Variants in TMEM131L observed in about 807,000 individuals in gnomAD.
TMEM131L encodes transmembrane protein 131-like.
A neutral mutation model predicts 192.2 loss-of-function variants in TMEM131L; 54 were observed. The ratio of observed to expected loss-of-function variants is 0.28; its 90% CI spans 0.23 to 0.35. The LOEUF (loss-of-function observed/expected upper bound fraction) is 0.35. Ranked by LOEUF, TMEM131L falls within the 10% of genes least tolerant of loss-of-function variation. The probability of loss-of-function intolerance (pLI) is 1.00; values close to 1 mark genes in which losing one functional copy is unlikely to be tolerated. For synonymous variants in TMEM131L, 701 were observed against 704.9 expected (o/e 0.99, Z 0.09); for missense variants, 1,888 against 1,972.9 (o/e 0.96, Z 0.82).
At chr4:153,548,339 C>T (rs1022311449) in intron 3 of TMEM131L, among the ~76,000 whole-genome samples, 42 of 152,268 alleles carry the variant, frequency 2.8e-4, no homozygotes, top group African/African-American at 9.9e-4. Context: ...CTCGCTCTGT[C>T]GCCAAGGCTG....
chr4:153,626,633 G>C (rs554537721), intron 30 of TMEM131L, among the ~76,000 whole-genome samples: 1 of 152,172 alleles, frequency 6.6e-6, no homozygotes, highest in Non-Finnish European at 1.5e-5. Context: ...GCGTAGCGGC[G>C]CATGCCTGTA....
chr4:153,616,532 A>G (rs940805771), intron 26 of TMEM131L, among the ~76,000 whole-genome samples: 26 of 152,354 alleles, frequency 1.7e-4, no homozygotes, highest in African/African-American at 6.0e-4. Context: ...GTTGAAGCCC[A>G]GGTTTGGAAT....
chr4:153,617,353 C>T (rs529580586), intron 26 of TMEM131L, among the ~76,000 whole-genome samples: 39 of 152,296 alleles, frequency 2.6e-4, no homozygotes, highest in African/African-American at 8.4e-4. Context: ...AGCGTGAAAA[C>T]GAACTAATAC....
chr4:153,604,543 A>G, intron 25 of TMEM131L, 113 bp downstream of exon 25: 1 of 1,086,416 alleles, frequency 9.2e-7, no homozygotes, highest in Non-Finnish European at 1.3e-6. Flanking sequence ...GAGTTTTAGC[A>G]AAGGTTTAAA....
intron 7 of TMEM131L, among the ~76,000 whole-genome samples, chr4:153,563,457 T>C (rs1002663132): frequency 3.9e-4 from 26 of 66,944 alleles, no homozygotes; most frequent in African/African-American, 1.8e-3. Context: ...ATATGTACCC[T>C]TTTTTTTTTT....
intron 3 of TMEM131L, among the ~76,000 whole-genome samples, chr4:153,536,558 A>T (rs1328358136): frequency 7.0e-6 from 1 of 143,156 alleles, no homozygotes; most frequent in African/African-American, 3.0e-5. Flanking sequence ...ATCCTGAAAC[A>T]CTTTGCTGGG....
Position 153,631,068 on chromosome 4 carries a change from G to A in TMEM131L, c.4208-1650G>A, listed in dbSNP as rs115033589. The stretch of plus-strand genomic sequence containing the variant: ...GCAGGGTTTCTTCAGGGCAGAATTA[G>A]CCAGAGCTGTGAGAACCACTTTGGG... On this transcript the variant is annotated intron_variant, in intron 31 of 34. Coordinates refer to ENST00000409959, the MANE Select transcript of TMEM131L (RefSeq NM_001131007.2). Among the ~76,000 whole-genome samples, 1,271 of 152,350 alleles carry A rather than the reference G, an allele frequency of 8.3e-3. 9 individuals carry two copies. The highest frequency in any genetic ancestry group is 0.044 in the Middle Eastern group (13 of 294).
chr4:153,580,047 C>CATAGTG (rs1309813646), intron 7 of TMEM131L, among the ~76,000 whole-genome samples: 1 of 152,160 alleles, frequency 6.6e-6, no homozygotes, highest in African/African-American at 2.4e-5. Context: ...ATGCCAGAGA[C>CATAGTG]ATTAAACTTA....
chr4:153,532,446 T>TA (rs57314018), intron 3 of TMEM131L, among the ~76,000 whole-genome samples: 6,658 of 145,010 alleles, frequency 0.046, 453 homozygotes, highest in African/African-American at 0.15. Context: ...GCTTTTTTTT[T>TA]AAAAAAAAAA....
chr4:153,588,911 G>A lies in TMEM131L; in HGVS notation c.1574G>A (p.Ser525Asn). The A allele has an allele frequency of 6.3e-7, 1 of 1,588,534 alleles. No homozygotes were observed. Among genetic ancestry groups the A allele is most frequent in the South Asian group, 1.1e-5 (1 of 90,510 alleles). Residue 525 changes from serine to asparagine, a missense_variant, in exon 16 of 35, where the codon AGC (serine) becomes AAC (asparagine). Transcript: ENST00000409959. ...TTAGGAAATCCTAATTGGAATGGGA[G>A]CCTTTCTCTGGATCAATCTACCTGG... is the stretch of plus-strand genomic sequence containing the variant. ...SKAGNPNWNG[S>N]LSLDQSTWNV...
rs756587241 is a variant in TMEM131L at position 153,585,559 on chromosome 4, GTGT to G, written c.1263_1265del (p.Val422del). On this transcript the variant is annotated inframe_deletion, in exon 13 of 35. Transcript: ENST00000409959. ...TGGTACCGCAACCATTTTGACCGTA[GTGT>G]TGTATTAAATGATGTGTTTCTTTCC... is the stretch of plus-strand genomic sequence containing the variant. 2.5e-6 allele frequency: 4 copies of G among 1,613,904 alleles called. No individual in the cohort carries two copies. The highest frequency in any genetic ancestry group is 2.7e-5 in the African/African-American group (2 of 74,894).
At chr4:153,542,946 T>A (rs1199164289) in intron 3 of TMEM131L, among the ~76,000 whole-genome samples, 1 of 152,172 alleles carries the variant, frequency 6.6e-6, no homozygotes, top group African/African-American at 2.4e-5. Context: ...GAGGGACAGA[T>A]TAGTGTGGAT....
Position 153,518,180 on chromosome 4 carries a change from A to T in TMEM131L, c.240-31893A>T, listed in dbSNP as rs1020556067. Among the ~76,000 whole-genome samples, 7 of 152,326 alleles carry T rather than the reference A, an allele frequency of 4.6e-5. No homozygotes were observed. The East Asian group carries it at 9.6e-4, about 21-fold the overall frequency. ...AGAATTGAGGCCGAGGTCAGTCAGC[A>T]GGTGCTTGCGTTCTCACACAGTCCT... On this transcript the variant is annotated intron_variant, in intron 3 of 34. Coordinates refer to ENST00000409959, the MANE Select transcript of TMEM131L (RefSeq NM_001131007.2).
intron 7 of TMEM131L, among the ~76,000 whole-genome samples, chr4:153,570,107 AT>A (rs1332400335): frequency 1.3e-5 from 2 of 152,166 alleles, no homozygotes; most frequent in Non-Finnish European, 2.9e-5. Context: ...TCTTGCTAGA[AT>A]GTGCGTGGTT....
At chr4:153,598,567 A>G (rs892590165) in intron 20 of TMEM131L, 23 bp from the exon 21 acceptor site, 12 of 1,603,116 alleles carry the variant, frequency 7.5e-6, no homozygotes, top group South Asian at 2.2e-5. Flanking sequence ...ATGCCTTTTT[A>G]TATCTATTTC....
chr4:153,482,376 C>G (rs1052702043), intron 3 of TMEM131L, among the ~76,000 whole-genome samples: 1 of 152,084 alleles, frequency 6.6e-6, no homozygotes, highest in Non-Finnish European at 1.5e-5. Flanking sequence ...TAATACAATA[C>G]AGATTTTTAA....
chr4:153,487,719 T>TGTGTGTGTGA lies in TMEM131L; in HGVS notation c.239+13832_239+13833insTGTGTGTGAG, dbSNP rs369094307. Among the ~76,000 whole-genome samples the TGTGTGTGTGA allele has an allele frequency of 4.3e-3, 611 of 143,486 alleles. 5 individuals are homozygous for TGTGTGTGTGA. The highest frequency in any genetic ancestry group is 0.013 in the African/African-American group (515 of 38,968). 94.1% of individuals were successfully genotyped at this position (143,486 alleles called of 152,430 possible). On this transcript the variant is annotated intron_variant, in intron 3 of 34. Transcript: ENST00000409959. ...GTGTGTGTGTGTGTGTGTGTGTGTG[T>TGTGTGTGTGA]GAGAGAGAGAGAGAGAGAGACACCC...
chr4:153,623,659 A>G (rs1321043665), intron 29 of TMEM131L, among the ~76,000 whole-genome samples: 1 of 152,206 alleles, frequency 6.6e-6, no homozygotes, highest in South Asian at 2.1e-4. Context: ...TTCAATGTTC[A>G]AAAACATTGT....
intron 31 of TMEM131L, among the ~76,000 whole-genome samples, chr4:153,631,376 C>G (rs1166605424): frequency 6.6e-6 from 1 of 152,214 alleles, no homozygotes; most frequent in Non-Finnish European, 1.5e-5. Context: ...ACTGCATGAG[C>G]ACCAGCCTCT....
Sources: gnomAD v4.1 joint callset for allele counts (sites outside exome capture counted in the v4.1 genomes callset) on GRCh38, gnomAD v4.1.1 for gene constraint, MANE v1.5 for transcripts, NCBI Gene and HGNC (gene_info 2026-07-23, HGNC 2026-07-21) for gene names.